IPPK: variants seen among roughly 807,000 people sequenced by gnomAD.
IPPK encodes the protein IPK1 homolog.
Under a neutral mutation model 64.6 loss-of-function variants are expected in IPPK, and 22 were observed. That is an observed-to-expected ratio of 0.34 (90% CI 0.24 to 0.49). The LOEUF is 0.49. Among genes scored for constraint, IPPK ranks in the 20% least tolerant of loss-of-function variants. IPPK has a pLI of 0.99. For missense variants in IPPK, 532 were observed against 630.7 expected (o/e 0.84, Z 1.68); for synonymous variants, 262 against 247.2 (o/e 1.06, Z -0.56).
intron 12 of IPPK, chr9:92,617,833 A>G (rs1338569284): frequency 2.0e-5 from 4 of 203,116 alleles, no homozygotes; most frequent in Non-Finnish European, 3.0e-5. Flanking sequence ...CAAAGGGACA[A>G]AGCTCTGCAG....
intron 9 of IPPK, among the ~76,000 whole-genome samples, chr9:92,636,554 T>A (rs952398168): frequency 3.3e-5 from 5 of 152,118 alleles, no homozygotes; most frequent in Admixed American, 3.3e-4. Context: ...GGCAGGAAGA[T>A]CACTTGAGCC....
chr9:92,634,657 A>G (rs1851905163), intron 10 of IPPK, among the ~76,000 whole-genome samples, 169 bp from the exon 11 acceptor site: 1 of 152,208 alleles, frequency 6.6e-6, no homozygotes, highest in African/African-American at 2.4e-5. Flanking sequence ...TTTTAACAGA[A>G]CTCAGCAAGA....
At chr9:92,641,877 C>T (rs1177018956) in intron 7 of IPPK, among the ~76,000 whole-genome samples, 4 of 152,216 alleles carry the variant, frequency 2.6e-5, no homozygotes, top group Admixed American at 2.0e-4. Context: ...CTCACCAGAA[C>T]AGCTCTGCAG....
Position 92,642,890 on chromosome 9 carries a change from T to A in IPPK, c.505-80A>T, listed in dbSNP as rs997620056. The A allele has an allele frequency of 1.6e-5, 18 of 1,121,326 alleles. No homozygotes were observed. The African/African-American group carries it at 1.8e-4, about 11-fold the overall frequency. 69.5% of individuals were successfully genotyped at this position (1,121,326 alleles called of 1,614,324 possible). On this transcript the variant is annotated intron_variant, in intron 6 of 12. Coordinates refer to ENST00000287996, the MANE Select transcript of IPPK (RefSeq NM_022755.6). ...TGCCAACTGAACACACAGAACAGCA[T>A]CAGTGATGAAGACAATGAAGACGAG...
At chr9:92,624,821 A>G (rs1054293562) in intron 11 of IPPK, among the ~76,000 whole-genome samples, 5 of 152,218 alleles carry the variant, frequency 3.3e-5, no homozygotes, top group African/African-American at 1.2e-4. Flanking sequence ...ACTCTAAAGT[A>G]AATAGAAATG....
At chr9:92,629,079 C>A (rs1851785427) in intron 11 of IPPK, among the ~76,000 whole-genome samples, 1 of 151,864 alleles carries the variant, frequency 6.6e-6, no homozygotes, top group African/African-American at 2.4e-5. Flanking sequence ...CAGAGCAAGA[C>A]CCGACCCTGT....
intron 1 of IPPK, among the ~76,000 whole-genome samples, chr9:92,664,381 G>T (rs557895661): frequency 1.1e-4 from 16 of 152,358 alleles, no homozygotes; most frequent in Middle Eastern, 3.4e-3. Flanking sequence ...GCAAGAGCAG[G>T]GAGGCCAGAC....
intron 11 of IPPK, among the ~76,000 whole-genome samples, chr9:92,627,036 C>T (rs890143796): frequency 2.0e-5 from 3 of 151,860 alleles, no homozygotes; most frequent in African/African-American, 7.3e-5. Context: ...AAACCCTTCA[C>T]TAAGATAGCT....
intron 9 of IPPK, 110 bp downstream of exon 9, chr9:92,637,891 C>T: frequency 8.3e-7 from 1 of 1,205,180 alleles, no homozygotes; most frequent in Non-Finnish European, 1.1e-6. Flanking sequence ...CAGGTGGCAT[C>T]CCCCAGAGCC....
chr9:92,618,788 G>A (rs537279880), intron 12 of IPPK: 14 of 353,136 alleles, frequency 4.0e-5, no homozygotes, highest in East Asian at 1.5e-4. Context: ...CAAAAGCACC[G>A]GGAAAGTGAG....
chr9:92,637,860 T>A, intron 9 of IPPK, 141 bp downstream of exon 9: 1 of 855,198 alleles, frequency 1.2e-6, no homozygotes, highest in South Asian at 2.1e-5. Context: ...CGAGGCCCCG[T>A]GCTGGGAGCC....
intron 11 of IPPK, among the ~76,000 whole-genome samples, chr9:92,632,014 C>G (rs1851855118): frequency 6.6e-6 from 1 of 152,200 alleles, no homozygotes; most frequent in Admixed American, 6.5e-5. Context: ...ACCAACAAAG[C>G]CCCCTGGAGG....
intron 7 of IPPK, among the ~76,000 whole-genome samples, chr9:92,641,359 G>A (rs1852043218): frequency 6.6e-6 from 1 of 152,214 alleles, no homozygotes; most frequent in Admixed American, 6.5e-5. Context: ...GACCCTGCCA[G>A]TAGGGACAGC....
intron 11 of IPPK, among the ~76,000 whole-genome samples, chr9:92,624,516 G>A (rs951585436): frequency 2.0e-5 from 3 of 151,534 alleles, no homozygotes; most frequent in Non-Finnish European, 4.4e-5. Context: ...GTGCTTCCCA[G>A]CTACCTGTGA....
intron 4 of IPPK, among the ~76,000 whole-genome samples, chr9:92,651,285 T>C (rs117170954): frequency 0.038 from 5,806 of 152,288 alleles, 153 homozygotes; most frequent in Middle Eastern, 0.075. Context: ...GCAGAGGCAT[T>C]TCCACCCTCA....
intron 11 of IPPK, among the ~76,000 whole-genome samples, chr9:92,622,721 A>C (rs1013477808): frequency 2.7e-5 from 4 of 150,934 alleles, no homozygotes; most frequent in Non-Finnish European, 5.9e-5. Flanking sequence ...CTTTTTTTTT[A>C]GTTTTTAATT....
At chr9:92,663,531 T>G (rs1257008956) in intron 1 of IPPK, among the ~76,000 whole-genome samples, 1 of 152,240 alleles carries the variant, frequency 6.6e-6, no homozygotes, top group Admixed American at 6.5e-5. Context: ...GGAGAAATAT[T>G]GGATGTTTTT....
chr9:92,656,837 G>A (rs1042291602), intron 2 of IPPK, among the ~76,000 whole-genome samples: 4 of 152,118 alleles, frequency 2.6e-5, no homozygotes, highest in Admixed American at 2.0e-4. Context: ...CTCCCAAAGC[G>A]GCCCCTACAC....
chr9:92,638,149 A>C lies in IPPK; in HGVS notation c.768T>G (p.Ala256=), dbSNP rs1851979431. The change falls in exon 9 of 13, where the codon GCT becomes GCG. Residue 256 remains alanine, a synonymous_variant. Transcript: ENST00000287996. ...TCACGTGCACCAGCTCCCTGATCACAGCCCTTGTGCAGTGGGGCCCACTGG... is the reference window on the plus strand; with the variant it reads ...TCACGTGCACCAGCTCCCTGATCACCGCCCTTGTGCAGTGGGGCCCACTGG... The part of the protein sequence containing the change: ...GLASGPHCTR[A]VIRELVHVIT... 1 of 1,614,222 alleles carries C rather than the reference A, an allele frequency of 6.2e-7. No individual in the cohort carries two copies. Among genetic ancestry groups the C allele is most frequent in the Non-Finnish European group, 8.5e-7 (1 of 1,180,038 alleles).
Sources: allele counts gnomAD v4.1 joint callset (sites outside exome capture counted in the v4.1 genomes callset), GRCh38; gene constraint gnomAD v4.1.1; transcripts MANE v1.5; gene names NCBI Gene and HGNC (gene_info 2026-07-23, HGNC 2026-07-21).